MGAT4C: variants seen among roughly 807,000 people sequenced by gnomAD.
MGAT4C encodes alpha-1,3-mannosyl-glycoprotein 4-beta-N-acetylglucosaminyltransferase C.
In MGAT4C, 19 loss-of-function variants were observed where a neutral mutation model predicts 40.1. The observed-to-expected ratio is 0.47, with a 90% CI of 0.33 to 0.70. The LOEUF (loss-of-function observed/expected upper bound fraction) is 0.70, where lower values mean the gene tolerates loss of function less well. Among genes scored for constraint, MGAT4C ranks in the 30% least tolerant of loss-of-function variants. The probability of loss-of-function intolerance (pLI) is 0.02; values close to 1 mark genes in which losing one functional copy is unlikely to be tolerated. For synonymous variants in MGAT4C, 181 were observed against 187.1 expected, an observed-to-expected ratio of 0.97 and a Z score of 0.27; for missense variants, 491 against 563.2, an observed-to-expected ratio of 0.87 and a Z score of 1.30.
At chr12:86,463,048 T>C (rs1180623045) in intron 2 of MGAT4C, among the ~76,000 whole-genome samples, 6 of 152,144 alleles carry the variant, frequency 3.9e-5, no homozygotes, top group African/African-American at 9.7e-5. Flanking sequence ...GGTATTTCCA[T>C]ACCACCCAGA....
intron 3 of MGAT4C, among the ~76,000 whole-genome samples, chr12:86,368,177 T>C (rs979813290): frequency 2.0e-5 from 3 of 152,148 alleles, no homozygotes; most frequent in African/African-American, 7.2e-5. Flanking sequence ...ATATGATATC[T>C]AAAATATGTG....
chr12:86,338,885 G>A (rs190630942), intron 3 of MGAT4C, among the ~76,000 whole-genome samples: 1 of 148,516 alleles, frequency 6.7e-6, no homozygotes, highest in African/African-American at 2.5e-5. Context: ...CTTGAACCCA[G>A]GTGGCAGAAG....
At chr12:86,313,864 G>C (rs1486809250) in intron 4 of MGAT4C, among the ~76,000 whole-genome samples, 2 of 152,172 alleles carry the variant, frequency 1.3e-5, no homozygotes, top group African/African-American at 4.8e-5. Context: ...AAGAGAATTA[G>C]CATCATGAAA....
chr12:86,530,169 G>A (rs529909852), intron 2 of MGAT4C, among the ~76,000 whole-genome samples: 5 of 152,010 alleles, frequency 3.3e-5, no homozygotes, highest in East Asian at 1.9e-4. Flanking sequence ...AGGACTGGTC[G>A]TTGTTATGCA....
intron 3 of MGAT4C, among the ~76,000 whole-genome samples, chr12:86,362,061 C>G (rs1303616851): frequency 1.3e-5 from 2 of 152,160 alleles, no homozygotes; most frequent in Admixed American, 6.5e-5. Context: ...GCACTATTCA[C>G]AATAGCAAAG....
At chr12:86,433,829 C>A (rs968641294) in intron 3 of MGAT4C, among the ~76,000 whole-genome samples, 1 of 151,960 alleles carries the variant, frequency 6.6e-6, no homozygotes, top group African/African-American at 2.4e-5. Flanking sequence ...CCTGACTCTG[C>A]TATTTGTCCT....
upstream of MGAT4C, among the ~76,000 whole-genome samples, chr12:86,259,341 T>C (rs1952607605): frequency 6.6e-6 from 1 of 152,040 alleles, no homozygotes; most frequent in African/African-American, 2.4e-5. Flanking sequence ...AATAAGATAG[T>C]GTGTATGTGA....
At chr12:86,542,171 T>C (rs974643488) in intron 2 of MGAT4C, among the ~76,000 whole-genome samples, 1 of 152,104 alleles carries the variant, frequency 6.6e-6, no homozygotes, top group Non-Finnish European at 1.5e-5. Context: ...GCTGGGGAAA[T>C]AGGGCTCAGT....
At chr12:86,750,465 T>G (rs554025006) in intron 1 of MGAT4C, among the ~76,000 whole-genome samples, 1 of 152,008 alleles carries the variant, frequency 6.6e-6, no homozygotes, top group African/African-American at 2.4e-5. Context: ...TCCAAGGCAT[T>G]TGAGTGTGAG....
At chr12:86,130,998 T>C (rs1163573202) in intron 1 of MGAT4C, among the ~76,000 whole-genome samples, 1 of 152,062 alleles carries the variant, frequency 6.6e-6, no homozygotes, top group Non-Finnish European at 1.5e-5. Flanking sequence ...ACTGTTATTA[T>C]ATAATAACTA....
rs1219240391 is a variant in MGAT4C, at chr12:85,956,915, C to A, written c.*22374G>T. The A allele has an allele frequency of 6.6e-6, 1 of 152,042 alleles. No homozygotes were observed. Among genetic ancestry groups the A allele is most frequent in the East Asian group, 1.9e-4 (1 of 5,180 alleles). 9.4% of individuals were successfully genotyped at this position (152,042 alleles called of 1,614,324 possible). ...GAATTGACACAAGCACAGAAATACA[C>A]CAATAAGCACATACCAAAGTCAATT... On this transcript the variant is annotated 3_prime_UTR_variant, in exon 5 of 5. Transcript: ENST00000611864.
intron 2 of MGAT4C, among the ~76,000 whole-genome samples, chr12:86,480,229 T>C (rs888842238): frequency 6.6e-6 from 1 of 151,740 alleles, no homozygotes; most frequent in African/African-American, 2.4e-5. Flanking sequence ...TGTTCTTTCA[T>C]GTATAAGTAA....
At chr12:86,720,812 A>G (rs544894577) in intron 2 of MGAT4C, among the ~76,000 whole-genome samples, 4 of 152,338 alleles carry the variant, frequency 2.6e-5, no homozygotes, top group African/African-American at 9.6e-5. Context: ...AAGTAGAGGC[A>G]TTGTTTATAG....
chr12:86,336,439 C>T (rs1433992837), intron 3 of MGAT4C, among the ~76,000 whole-genome samples: 12 of 152,160 alleles, frequency 7.9e-5, no homozygotes. Flanking sequence ...TATGTGCCAG[C>T]AGGCACTCTG....
chr12:86,290,824 GT>G (rs1266924170), intron 4 of MGAT4C, among the ~76,000 whole-genome samples: 3 of 152,104 alleles, frequency 2.0e-5, no homozygotes, highest in African/African-American at 7.2e-5. Flanking sequence ...GTCTAAAAGT[GT>G]TTGAAAAATA....
chr12:86,691,071 C>T (rs1462997918), intron 2 of MGAT4C, among the ~76,000 whole-genome samples: 1 of 152,158 alleles, frequency 6.6e-6, no homozygotes. Flanking sequence ...AGTTATTCAA[C>T]ACCTAAACTT....
intron 2 of MGAT4C, among the ~76,000 whole-genome samples, chr12:86,477,867 T>C (rs1046079052): frequency 6.6e-6 from 1 of 152,138 alleles, no homozygotes; most frequent in Non-Finnish European, 1.5e-5. Flanking sequence ...GTCCTTGCAA[T>C]AGTTTGCTGA....
intron 3 of MGAT4C, among the ~76,000 whole-genome samples, chr12:86,408,479 C>CTCTCTCTATATATATATATATATA (rs1267344319): frequency 3.2e-5 from 2 of 63,366 alleles, no homozygotes; most frequent in African/African-American, 7.8e-5. Context: ...CTCTCTCTCT[C>CTCTCTCTATATATATATATATATA]TATATATATA....
chr12:86,113,842 C>T (rs28649514), intron 1 of MGAT4C, among the ~76,000 whole-genome samples: 2 of 151,670 alleles, frequency 1.3e-5, no homozygotes, highest in African/African-American at 2.4e-5. Flanking sequence ...TTGAAAATAA[C>T]GAAACAAAAC....
Sources: gnomAD v4.1 joint callset for allele counts (sites outside exome capture counted in the v4.1 genomes callset) on GRCh38, gnomAD v4.1.1 for gene constraint, MANE v1.5 for transcripts, NCBI Gene and HGNC (gene_info 2026-07-23, HGNC 2026-07-21) for gene names.